The following CREB3L3 variants were observed in gnomAD, a reference collection of about 807,000 sequenced individuals.
CREB3L3 encodes the protein cyclic AMP-responsive element-binding protein 3-like protein 3.
CREB3L3 carries 40 observed loss-of-function variants against 44.6 expected under a neutral mutation model. The ratio of observed to expected loss-of-function variants is 0.90; its 90% CI spans 0.70 to 1.17. The LOEUF is 1.17. Among genes scored for constraint, CREB3L3 ranks in the 50% most tolerant of loss-of-function variants. CREB3L3 has a pLI of 0.00. For missense variants in CREB3L3, 578 were observed against 595.8 expected, an observed-to-expected ratio of 0.97 and a Z score of 0.31; for synonymous variants, 273 against 256.3, an observed-to-expected ratio of 1.06 and a Z score of -0.62.
chr19:4,156,264 C>T (rs1286892960), intron 2 of CREB3L3, among the ~76,000 whole-genome samples: 3 of 150,204 alleles, frequency 2.0e-5, no homozygotes, highest in South Asian at 4.3e-4. Flanking sequence ...CTTGGCATAC[C>T]GCAACCCCCA....
intron 5 of CREB3L3, among the ~76,000 whole-genome samples, chr19:4,166,447 G>A (rs915586786): frequency 1.7e-5 from 2 of 115,696 alleles, no homozygotes; most frequent in African/African-American, 6.5e-5. Context: ...TTTTTTTTGA[G>A]TAGAGACAGA....
chr19:4,164,082 T>A (rs1599339084), intron 4 of CREB3L3, among the ~76,000 whole-genome samples: 1 of 149,412 alleles, frequency 6.7e-6, no homozygotes, highest in South Asian at 2.1e-4. Flanking sequence ...CAAGCGATTC[T>A]CCTGCCTCAG....
At chr19:4,163,235 G>A (rs2041681871) in intron 4 of CREB3L3, among the ~76,000 whole-genome samples, 1 of 151,796 alleles carries the variant, frequency 6.6e-6, no homozygotes, top group Non-Finnish European at 1.5e-5. Flanking sequence ...GTGAACCCGG[G>A]AAGCAGAGCT....
intron 5 of CREB3L3, among the ~76,000 whole-genome samples, chr19:4,167,363 A>G (rs984607974): frequency 7.3e-5 from 11 of 150,262 alleles, no homozygotes; most frequent in South Asian, 2.1e-4. Context: ...AGAGAGAGAG[A>G]GAGAGAGAGA....
In CREB3L3 at chr19:4,157,670, A is replaced by AT. The variant is rs1036509772; in HGVS notation, c.457+384dup. Among the ~76,000 whole-genome samples, 35 of 151,386 alleles carry AT rather than the reference A, an allele frequency of 2.3e-4. No individual in the cohort carries two copies. The East Asian group carries it at 2.3e-3, about 10-fold the overall frequency. ...GTACCCCGTGCCTGGTTCCTAGTAGATTTTTTTTTATTTTTTATTTATTTT... is the reference window on the plus strand; with the variant it reads ...GTACCCCGTGCCTGGTTCCTAGTAGATTTTTTTTTTATTTTTTATTTATTTT... On this transcript the variant is annotated intron_variant, in intron 3 of 9. Coordinates refer to ENST00000078445, the MANE Select transcript of CREB3L3 (RefSeq NM_032607.3).
intron 2 of CREB3L3, among the ~76,000 whole-genome samples, chr19:4,156,754 G>A (rs563896315): frequency 2.0e-4 from 31 of 151,882 alleles, no homozygotes; most frequent in South Asian, 1.3e-3. Context: ...CGCCCTCCTC[G>A]GCCTCCCAAA....
In CREB3L3 at chr19:4,171,369, G is replaced by A. The variant is rs751606930; in HGVS notation, c.976-14G>A. 14 of 1,611,532 alleles carry A rather than the reference G, an allele frequency of 8.7e-6. No individual in the cohort carries two copies. The highest frequency in any genetic ancestry group is 4.4e-5 in the South Asian group (4 of 91,010). On this transcript the variant is annotated splice_polypyrimidine_tract_variant and intron_variant, in intron 8 of 9. Coordinates refer to ENST00000078445, the MANE Select transcript of CREB3L3 (RefSeq NM_032607.3). The surrounding 1 kb of genome is among the most constrained non-coding windows in gnomAD (Gnocchi z 4.9). ...AGGGGAGGGAGGGGGTGACTCTGCC[G>A]CTGTCTCCACCAGGTCCTGTTGCTG...
At position 4,172,506 on chromosome 19, in the gene CREB3L3, C is replaced by T. The variant is rs549755138; in HGVS notation, c.*537C>T. 5.4e-4 allele frequency: 147 copies of T among 270,304 alleles called. No homozygotes were observed. In the East Asian group the frequency reaches 9.5e-3, roughly 17 times the overall value. 16.7% of individuals were successfully genotyped at this position (270,304 alleles called of 1,614,324 possible). A position where few individuals can be genotyped will look rare whatever the true frequency, so the allele number is the denominator to read the frequency against. On this transcript the variant is annotated 3_prime_UTR_variant, in exon 10 of 10. Coordinates refer to ENST00000078445, the MANE Select transcript of CREB3L3 (RefSeq NM_032607.3). ...AGACAGACACAGCCTGAAACAGACC[C>T]GGACAGACAGACAGACACAGCCTGA...
In CREB3L3 at chr19:4,172,206, A is replaced by G; in HGVS notation, c.*237A>G. The G allele has an allele frequency of 1.7e-6, 1 of 600,166 alleles. No individual in the cohort carries two copies. The highest frequency in any genetic ancestry group is 2.9e-6 in the Non-Finnish European group (1 of 339,052). 37.2% of individuals were successfully genotyped at this position (600,166 alleles called of 1,614,324 possible). ...GGACCCGGGAAATACACACAGAGCCAGGAGCAGAAGCAAAGAGCAGACACA... is the reference window on the plus strand; with the variant it reads ...GGACCCGGGAAATACACACAGAGCCGGGAGCAGAAGCAAAGAGCAGACACA... On this transcript the variant is annotated 3_prime_UTR_variant, in exon 10 of 10. Transcript: ENST00000078445.
intron 4 of CREB3L3, among the ~76,000 whole-genome samples, chr19:4,162,283 G>A (rs541921833): frequency 6.6e-6 from 1 of 152,178 alleles, no homozygotes; most frequent in African/African-American, 2.4e-5. Context: ...TGGGATTACA[G>A]GCATGAGCCA....
chr19:4,160,420 G>A (rs1361196721), intron 4 of CREB3L3, among the ~76,000 whole-genome samples: 1 of 151,884 alleles, frequency 6.6e-6, no homozygotes, highest in Non-Finnish European at 1.5e-5. Context: ...CGCCCAGGCT[G>A]GAGTGCAGTG....
Position 4,160,882 on chromosome 19 carries a change from T to C in CREB3L3, c.576+1100T>C, listed in dbSNP as rs568832324. Among the ~76,000 whole-genome samples, 281 of 140,480 alleles carry C rather than the reference T, an allele frequency of 2.0e-3. 6 individuals are homozygous for C. Among genetic ancestry groups the C allele is most frequent in the African/African-American group, 7.5e-3 (274 of 36,656 alleles). 92.2% of individuals were successfully genotyped at this position (140,480 alleles called of 152,430 possible). ...CCCAGCAGCTGGGACTACAGGAGCA[T>C]GCCGCGCCACCTGTCTAATTTTTCT... On this transcript the variant is annotated intron_variant, in intron 4 of 9. Coordinates refer to ENST00000078445, the MANE Select transcript of CREB3L3 (RefSeq NM_032607.3).
chr19:4,168,775 A>G (rs2145139950), intron 6 of CREB3L3, among the ~76,000 whole-genome samples: 1 of 152,256 alleles, frequency 6.6e-6, no homozygotes, highest in East Asian at 1.9e-4. Context: ...TCTATCACCC[A>G]GGCTGGAGTG....
chr19:4,167,554 G>C (rs1275319190), intron 5 of CREB3L3, among the ~76,000 whole-genome samples: 1 of 122,970 alleles, frequency 8.1e-6, no homozygotes, highest in Non-Finnish European at 1.7e-5. Context: ...GGGAGGGAGG[G>C]AGGGAGGGGA....
At chr19:4,167,694 A>G (rs989232211) in intron 5 of CREB3L3, among the ~76,000 whole-genome samples, 4 of 152,166 alleles carry the variant, frequency 2.6e-5, no homozygotes, top group Admixed American at 6.5e-5. Context: ...AGTGGTACCC[A>G]TGCCCAAAGT....
intron 6 of CREB3L3, 21 bp from the exon 7 acceptor site, chr19:4,170,119 G>A (rs182644892): frequency 7.4e-6 from 12 of 1,613,348 alleles, no homozygotes; most frequent in South Asian, 2.2e-5. Context: ...GCTGAATGTC[G>A]ATGCGTCTTC....
chr19:4,169,363 C>T (rs933422421), intron 6 of CREB3L3, among the ~76,000 whole-genome samples: 4 of 151,820 alleles, frequency 2.6e-5, no homozygotes, highest in African/African-American at 9.7e-5. Context: ...GCCTGTAGTC[C>T]CAGCTACTCG....
chr19:4,168,200 T>A, intron 5 of CREB3L3, 151 bp from the exon 6 acceptor site: 1 of 540,398 alleles, frequency 1.9e-6, no homozygotes, highest in South Asian at 1.5e-5. Context: ...TGTTTCACCA[T>A]GTTGGCCAGG....
chr19:4,171,388 G>A lies in CREB3L3; in HGVS notation c.981G>A (p.Leu327=), dbSNP rs1183210650. 1.9e-6 allele frequency: 3 copies of A among 1,614,132 alleles called. No homozygotes were observed. Among genetic ancestry groups the A allele is most frequent in the African/African-American group, 2.7e-5 (2 of 75,044 alleles). ...SAQTGTCVAV[L]LLSFALIILP... is the part of the protein sequence containing the mutation. ...TCTGCCGCTGTCTCCACCAGGTCCT[G>A]TTGCTGTCCTTTGCCCTCATCATCC... is the stretch of plus-strand genomic sequence containing the variant. Residue 327 remains leucine, a synonymous_variant, in exon 9 of 10, where the codon CTG becomes CTA. Coordinates refer to ENST00000078445, the MANE Select transcript of CREB3L3 (RefSeq NM_032607.3). This position sits in a 1 kb window ranked among gnomAD's most constrained non-coding sequence, Gnocchi z 4.9.
Sources: gnomAD v4.1 joint callset for allele counts (sites outside exome capture counted in the v4.1 genomes callset) on GRCh38, gnomAD v4.1.1 for gene constraint, Gnocchi (gnomAD v3.1) non-coding constraint, MANE v1.5 for transcripts, NCBI Gene and HGNC (gene_info 2026-07-23, HGNC 2026-07-21) for gene names.